Variants in DDX43 observed in about 807,000 individuals in gnomAD.
The protein encoded by DDX43 is probable ATP-dependent RNA helicase DDX43.
DDX43 carries 50 observed loss-of-function variants against 84.9 expected under a neutral mutation model. That is an observed-to-expected ratio of 0.59 (90% CI 0.47 to 0.75). The LOEUF (loss-of-function observed/expected upper bound fraction) is 0.75, where lower values mean the gene tolerates loss of function less well. DDX43 is among the 30% of genes least tolerant of loss of function. DDX43 has a pLI of 0.00. For synonymous variants in DDX43, 291 were observed against 266.3 expected (o/e 1.09, Z -0.90); for missense variants, 689 against 798.6 (o/e 0.86, Z 1.65).
intron 1 of DDX43, among the ~76,000 whole-genome samples, chr6:73,397,088 T>A (rs1171208562): frequency 2.0e-5 from 3 of 152,236 alleles, no homozygotes; most frequent in African/African-American, 4.8e-5. Flanking sequence ...GTGAGACTGC[T>A]GGATCATATG....
At chr6:73,396,948 C>T (rs1318731024) in intron 1 of DDX43, among the ~76,000 whole-genome samples, 1 of 152,150 alleles carries the variant, frequency 6.6e-6, no homozygotes, top group Non-Finnish European at 1.5e-5. Flanking sequence ...ATATACCTTA[C>T]TTTATCTATT....
chr6:73,406,308 C>A, intron 6 of DDX43, 56 bp from the exon 7 acceptor site: 1 of 1,308,826 alleles, frequency 7.6e-7, no homozygotes, highest in Non-Finnish European at 1.1e-6. Flanking sequence ...AGGCGTGAGC[C>A]ACTGCGCCCA....
At chr6:73,412,668 T>TGTGTGTGTGTGCGTGC (rs538597626) in intron 11 of DDX43, among the ~76,000 whole-genome samples, 1 of 108,466 alleles carries the variant, frequency 9.2e-6, no homozygotes, top group Non-Finnish European at 1.8e-5. Flanking sequence ...TGTGTGTGTG[T>TGTGTGTGTGTGCGTGC]GCGCGCGCGC....
At position 73,408,118 on chromosome 6, in the gene DDX43, G is replaced by T. The variant is rs756575224; in HGVS notation, c.1179+17G>T. On this transcript the variant is annotated intron_variant, in intron 9 of 16. Coordinates refer to ENST00000370336, the MANE Select transcript of DDX43 (RefSeq NM_018665.3). ...ACCTACTTGGTAATCATGGAAATAGGGGTTTGAGATGCTGGGTTCAAAAAT... is the reference window on the plus strand; with the variant it reads ...ACCTACTTGGTAATCATGGAAATAGTGGTTTGAGATGCTGGGTTCAAAAAT... 6.2e-7 allele frequency: 1 copy of T among 1,611,740 alleles called. No individual in the cohort carries two copies. The highest frequency in any genetic ancestry group is 8.5e-7 in the Non-Finnish European group (1 of 1,179,236).
chr6:73,415,842 T>G (rs1468372562), intron 15 of DDX43, among the ~76,000 whole-genome samples: 1 of 152,114 alleles, frequency 6.6e-6, no homozygotes. Context: ...ATGGGGTAAA[T>G]GTTCCAGCAG....
At chr6:73,407,206 C>T (rs1277112650) in intron 7 of DDX43, among the ~76,000 whole-genome samples, 1 of 152,132 alleles carries the variant, frequency 6.6e-6, no homozygotes, top group Non-Finnish European at 1.5e-5. Flanking sequence ...CAACCTCCGC[C>T]TCCTGGGTTC....
chr6:73,395,159 A>C lies in DDX43; in HGVS notation c.250+4A>C. On this transcript the variant is annotated splice_donor_region_variant and intron_variant, in intron 1 of 16. Coordinates refer to ENST00000370336, the MANE Select transcript of DDX43 (RefSeq NM_018665.3). ...CACTTTGTTGGCGCGGTAATCGGTG[A>C]GAATGGGAGTGGCTGGCAGGGCAGG... The C allele has an allele frequency of 6.2e-7, 1 of 1,607,056 alleles. No homozygotes were observed. Among genetic ancestry groups the C allele is most frequent in the Non-Finnish European group, 8.5e-7 (1 of 1,176,758 alleles).
In DDX43 at chr6:73,406,397, G is replaced by A. The variant is rs1482423594; in HGVS notation, c.841G>A (p.Asp281Asn). Residue 281 changes from aspartate to asparagine, a missense_variant, in exon 7 of 17, where the codon GAT becomes AAT. Physicochemically the swap from Asp to Asn is conservative, Grantham distance 23 (BLOSUM62 1). Around this residue, in one of 2 missense-constraint regions of DDX43, gnomAD observed 552 missense variants for 692.7 expected, o/e 0.80. Coordinates refer to ENST00000370336, the MANE Select transcript of DDX43 (RefSeq NM_018665.3). ...ATGGCCCATTGTGTTGCAAGGAATA[G>A]ATCTTATAGGAGTAGCCCAGACTGG... ...QAWPIVLQGI[D>N]LIGVAQTGTG... 1 of 1,613,100 alleles carries A rather than the reference G, an allele frequency of 6.2e-7. No individual in the cohort carries two copies. The highest frequency in any genetic ancestry group is 2.2e-5 in the East Asian group (1 of 44,862).
At chr6:73,397,811 A>G (rs1716608111) in intron 2 of DDX43, 67 bp downstream of exon 2, 2 of 1,431,694 alleles carry the variant, frequency 1.4e-6, no homozygotes, top group African/African-American at 1.4e-5. Flanking sequence ...ACCTAACTCT[A>G]CTTTTCTTTT....
In DDX43 at chr6:73,404,773, T is replaced by C; in HGVS notation, c.650+2T>C. The C allele has an allele frequency of 6.2e-7, 1 of 1,609,848 alleles. No individual in the cohort carries two copies. The highest frequency in any genetic ancestry group is 8.5e-7 in the Non-Finnish European group (1 of 1,177,304). On this transcript the variant is annotated splice_donor_variant, in intron 5 of 16. Coordinates refer to ENST00000370336, the MANE Select transcript of DDX43 (RefSeq NM_018665.3). LOFTEE classifies it high-confidence loss of function. ...AAAAGTAGAAGCAGATAGTTGGAGG[T>C]GGGTAGTTTCATTACCTAGTTGTGT...
intron 10 of DDX43, 67 bp from the exon 11 acceptor site, chr6:73,412,138 G>C: frequency 7.2e-7 from 1 of 1,386,838 alleles, no homozygotes; most frequent in Non-Finnish European, 1.0e-6. Flanking sequence ...TTGGTTCATA[G>C]CATGCTTAAG....
At chr6:73,406,330 A>G in intron 6 of DDX43, 34 bp from the exon 7 acceptor site, 3 of 1,502,246 alleles carry the variant, frequency 2.0e-6, no homozygotes, top group Non-Finnish European at 2.8e-6. Flanking sequence ...CAAAAGATGT[A>G]CTTTTTGTGT....
chr6:73,398,481 A>C (rs1287542217), intron 2 of DDX43, among the ~76,000 whole-genome samples: 1 of 151,644 alleles, frequency 6.6e-6, no homozygotes, highest in African/African-American at 2.4e-5. Flanking sequence ...TGAACTCCTG[A>C]CCTCGGGTGA....
Position 73,407,558 on chromosome 6 carries a change from A to G in DDX43, c.980A>G (p.Glu327Gly), listed in dbSNP as rs138355020. ...PGMLVLTPTR[E>G]LALQVEGECC... ...ATGTTAGTTCTAACTCCCACTCGGG[A>G]ATTAGCACTTCAAGTAGAAGGAGAA... Residue 327 changes from glutamate (E) to glycine (G), a missense_variant, in exon 8 of 17, where the codon GAA becomes GGA. By Grantham distance (98) the Glu-to-Gly change is moderately conservative. Transcript: ENST00000370336. The G allele has an allele frequency of 2.5e-6, 4 of 1,614,088 alleles. No homozygotes were observed. The highest frequency in any genetic ancestry group is 2.5e-6 in the Non-Finnish European group (3 of 1,179,962).
At chr6:73,400,142 G>A (rs1769537433) in intron 2 of DDX43, 92 bp from the exon 3 acceptor site, 1 of 1,050,446 alleles carries the variant, frequency 9.5e-7, no homozygotes, top group Non-Finnish European at 1.4e-6. Flanking sequence ...TTTTGAAGTT[G>A]AGTGATTGTT....
At chr6:73,414,284 G>A (rs896361285) in intron 13 of DDX43, among the ~76,000 whole-genome samples, 1 of 152,076 alleles carries the variant, frequency 6.6e-6, no homozygotes, top group African/African-American at 2.4e-5. Context: ...GGATATCAAG[G>A]TATTAATATG....
At chr6:73,416,993 C>T (rs536522647) in intron 16 of DDX43, among the ~76,000 whole-genome samples, 194 bp from the exon 17 acceptor site, 1 of 152,100 alleles carries the variant, frequency 6.6e-6, no homozygotes, top group South Asian at 2.1e-4. Context: ...GAGGTGAGAT[C>T]GGGCCACTGC....
At chr6:73,398,470 T>G (rs1263287055) in intron 2 of DDX43, among the ~76,000 whole-genome samples, 1 of 151,966 alleles carries the variant, frequency 6.6e-6, no homozygotes, top group African/African-American at 2.4e-5. Flanking sequence ...CAGGCTAGTC[T>G]TGAACTCCTG....
At chr6:73,399,577 T>A (rs1309712952) in intron 2 of DDX43, among the ~76,000 whole-genome samples, 1 of 152,232 alleles carries the variant, frequency 6.6e-6, no homozygotes, top group Non-Finnish European at 1.5e-5. Context: ...GTAAATACTG[T>A]AGTTGATAAA....
Sources: gnomAD v4.1 joint callset for allele counts (sites outside exome capture counted in the v4.1 genomes callset) on GRCh38, gnomAD v4.1.1 for gene constraint, gnomAD v4.1.1 regional missense constraint, MANE v1.5 for transcripts, NCBI Gene and HGNC (gene_info 2026-07-23, HGNC 2026-07-21) for gene names.